FLCN: variants seen among roughly 807,000 people sequenced by gnomAD.
FLCN encodes the protein folliculin.
A neutral mutation model predicts 62.5 loss-of-function variants in FLCN; 22 were observed. That is an observed-to-expected ratio of 0.35 (90% CI 0.25 to 0.50). FLCN has a LOEUF of 0.50. FLCN is among the 20% of genes least tolerant of loss of function. The pLI is 0.97. For synonymous variants in FLCN, 319 were observed against 310.0 expected, an observed-to-expected ratio of 1.03 and a Z score of -0.30; for missense variants, 657 against 778.0, an observed-to-expected ratio of 0.84 and a Z score of 1.85.
At chr17:17,221,117 A>T in intron 8 of FLCN, 1 of 1,359,034 alleles carries the variant, frequency 7.4e-7, no homozygotes, top group Non-Finnish European at 9.5e-7. Flanking sequence ...GGGGAAGCCC[A>T]GGCACCTGGG....
Position 17,224,157 on chromosome 17 carries a change from G to A in FLCN, c.397-14C>T, listed in dbSNP as rs1736219. 738,371 of 1,566,246 alleles carry A rather than the reference G, an allele frequency of 0.47. 181,520 individuals carry two copies. The highest frequency in any genetic ancestry group is 0.65 in the East Asian group (27,675 of 42,586). On this transcript the variant is annotated splice_polypyrimidine_tract_variant and intron_variant, in intron 5 of 13. Transcript: ENST00000285071. ...GCCAGGGCAGACCTGGAGGGACACCGGCGACTCAGACAGCCCTTTCCTCGC... is the reference window on the plus strand; with the variant it reads ...GCCAGGGCAGACCTGGAGGGACACCAGCGACTCAGACAGCCCTTTCCTCGC...
At chr17:17,228,358 G>C (rs1021908682) in intron 3 of FLCN, 197 bp from the exon 4 acceptor site, 2 of 612,406 alleles carry the variant, frequency 3.3e-6, no homozygotes, top group Non-Finnish European at 5.6e-6. Context: ...CTTCCCATGG[G>C]AGTCACAGCA....
rs771653740 is a variant in FLCN, at chr17:17,216,478, C to T, written c.1202G>A (p.Arg401His). ...LRTMLPVGCV[R>H]IIPYSSQYEE... ...GTACTGGCTGCTGTATGGGATGATG[C>T]GGACGCAGCCCACGGGAAGCATGGT... The change falls in exon 11 of 14, where the codon CGC becomes CAC. Residue 401 changes from arginine (R) to histidine (H), a missense_variant. Arg to His is a conservative substitution (Grantham distance 29). Transcript: ENST00000285071. This position sits in a 1 kb window ranked among gnomAD's most constrained non-coding sequence, Gnocchi z 4.0. 99 of 1,613,652 alleles carry T rather than the reference C, an allele frequency of 6.1e-5. 1 individual carries two copies. In the South Asian group the frequency reaches 8.9e-4, roughly 14 times the overall value.
At chr17:17,218,199 G>A (rs1474106226) in intron 9 of FLCN, among the ~76,000 whole-genome samples, 1 of 152,192 alleles carries the variant, frequency 6.6e-6, no homozygotes, top group African/African-American at 2.4e-5. Flanking sequence ...CTGACTCGAT[G>A]TAACTGGAGA....
At chr17:17,230,860 T>C (rs981073113) in intron 3 of FLCN, among the ~76,000 whole-genome samples, 1 of 151,994 alleles carries the variant, frequency 6.6e-6, no homozygotes, top group African/African-American at 2.4e-5. Context: ...ACTACTACAT[T>C]CCAGCCTGGG....
chr17:17,215,218 C>T lies in FLCN; in HGVS notation c.1399G>A (p.Val467Met). Residue 467 changes from valine to methionine, a missense_variant, in exon 12 of 14, where the codon GTG becomes ATG. Coordinates refer to ENST00000285071, the MANE Select transcript of FLCN (RefSeq NM_144997.7). ...DQSLSKYEFV[V>M]TSGSPVAADR... The stretch of plus-strand genomic sequence containing the variant: ...GCAGCTACAGGGCTCCCACTGGTCA[C>T]CACAAACTCGTACTTGCTGAGAGAC... 6.2e-7 allele frequency: 1 copy of T among 1,614,212 alleles called. No homozygotes were observed.
At chr17:17,234,210 TTTG>T (rs1335672684) in intron 1 of FLCN, among the ~76,000 whole-genome samples, 2 of 104,628 alleles carry the variant, frequency 1.9e-5, no homozygotes, top group African/African-American at 6.1e-5. Flanking sequence ...TTTGTTTTTT[TTTG>T]GTTTGTTTTT....
Position 17,213,713 on chromosome 17 carries a change from T to C in FLCN, c.1682A>G (p.Tyr561Cys). The C allele has an allele frequency of 6.2e-7, 1 of 1,614,198 alleles. No homozygotes were observed. Among genetic ancestry groups the C allele is most frequent in the Non-Finnish European group, 8.5e-7 (1 of 1,180,032 alleles). ...KFWMTGLSKT[Y>C]KSHLMSTVRS... is the part of the protein sequence containing the mutation. ...GACCGTGGACATGAGGTGTGACTTGTAGGTCTTGCTCAGGCCAGTCATCCA... is the reference window on the plus strand; with the variant it reads ...GACCGTGGACATGAGGTGTGACTTGCAGGTCTTGCTCAGGCCAGTCATCCA... The change falls in exon 14 of 14, where the codon TAC becomes TGC. Residue 561 changes from tyrosine (Y) to cysteine (C), a missense_variant. Coordinates refer to ENST00000285071, the MANE Select transcript of FLCN (RefSeq NM_144997.7).
Position 17,216,095 on chromosome 17 carries a change from C to G in FLCN, c.1300+285G>C, listed in dbSNP as rs2046910784. On this transcript the variant is annotated intron_variant, in intron 11 of 13. Transcript: ENST00000285071. This position sits in a 1 kb window ranked among gnomAD's most constrained non-coding sequence, Gnocchi z 4.0. ...CTCCATCTCATAGGCACCCAATCAC[C>G]AGGACGACCAGGATCCTCCGGCCAG... Among the ~76,000 whole-genome samples the G allele has an allele frequency of 6.6e-6, 1 of 152,178 alleles. No homozygotes were observed. Among genetic ancestry groups the G allele is most frequent in the South Asian group, 2.1e-4 (1 of 4,824 alleles).
chr17:17,234,326 C>T (rs907465294), intron 1 of FLCN, among the ~76,000 whole-genome samples: 2 of 151,596 alleles, frequency 1.3e-5, no homozygotes, highest in African/African-American at 2.4e-5. Context: ...ATTCTCCTGC[C>T]TCAGCTTCCC....
intron 2 of FLCN, 59 bp downstream of exon 2, chr17:17,232,729 T>C (rs1350853773): frequency 6.6e-6 from 1 of 152,620 alleles, no homozygotes; most frequent in Non-Finnish European, 1.5e-5. Context: ...TAGCAAGACA[T>C]GCACAGGACA....
chr17:17,219,096 A>C lies in FLCN; in HGVS notation c.985T>G (p.Ser329Ala). ...GRELTQGPAESSSLSGCGSWQ... is the reference protein window; with the variant it reads ...GRELTQGPAEASSLSGCGSWQ... ...CTCCCACAGCCTGAGAGAGAGGAGG[A>C]CTCTGCCGGGCCCTGGGTCAGCTCC... Residue 329 changes from serine (S) to alanine (A), a missense_variant, in exon 9 of 14, where the codon TCC becomes GCC. By Grantham distance (99) the Ser-to-Ala change is moderately conservative. Transcript: ENST00000285071. 6.2e-7 allele frequency: 1 copy of C among 1,613,776 alleles called. No homozygotes were observed. The highest frequency in any genetic ancestry group is 1.7e-4 in the Middle Eastern group (1 of 6,058).
intron 9 of FLCN, chr17:17,217,642 G>A (rs1478938446): frequency 3.4e-6 from 1 of 294,040 alleles, no homozygotes; most frequent in Non-Finnish European, 6.6e-6. Context: ...CACAAGCCCA[G>A]GGCTGCTGCC....
At chr17:17,215,431 G>A (rs1277294850) in intron 11 of FLCN, 115 bp from the exon 12 acceptor site, 13 of 1,514,366 alleles carry the variant, frequency 8.6e-6, no homozygotes, top group Non-Finnish European at 1.1e-5. Context: ...AAGGCTGCTG[G>A]TGAAAAGACT....
At chr17:17,233,244 T>C (rs1336732609) in intron 1 of FLCN, among the ~76,000 whole-genome samples, 1 of 152,004 alleles carries the variant, frequency 6.6e-6, no homozygotes, top group Non-Finnish European at 1.5e-5. Context: ...CTTCAGCCCA[T>C]GAGTTTGAGA....
intron 13 of FLCN, among the ~76,000 whole-genome samples, chr17:17,214,745 A>T (rs1023678064): frequency 6.6e-6 from 1 of 152,154 alleles, no homozygotes; most frequent in African/African-American, 2.4e-5. Context: ...CCCAAGCCTC[A>T]GTCGCTCTCC....
In FLCN at chr17:17,222,676, G is replaced by A. The variant is rs572284084; in HGVS notation, c.619-15C>T. 11 of 1,614,172 alleles carry A rather than the reference G, an allele frequency of 6.8e-6. No individual in the cohort carries two copies. The South Asian group carries it at 1.1e-4, about 16-fold the overall frequency. On this transcript the variant is annotated splice_polypyrimidine_tract_variant and intron_variant, in intron 6 of 13. Transcript: ENST00000285071. ...GCCTCAAACACCTGAAATGCAAAGGGAAGGGATGGCCTCTTTAAGCCAAAG... is the reference window on the plus strand; with the variant it reads ...GCCTCAAACACCTGAAATGCAAAGGAAAGGGATGGCCTCTTTAAGCCAAAG...
In FLCN at chr17:17,213,502, CT is replaced by C. The variant is rs2046810721; in HGVS notation, c.*152del. ...TCTGGGAAGCACACAGGCCCCAAAC[CT>C]GACAGGGCCGAGCCCAGCCCTGATG... On this transcript the variant is annotated 3_prime_UTR_variant, in exon 14 of 14. Transcript: ENST00000285071. 6 of 1,033,808 alleles carry C rather than the reference CT, an allele frequency of 5.8e-6. No homozygotes were observed. The Admixed American group carries it at 1.0e-4, about 17-fold the overall frequency. 64.0% of individuals were successfully genotyped at this position (1,033,808 alleles called of 1,614,324 possible).
chr17:17,213,772 C>A lies in FLCN; in HGVS notation c.1623G>T (p.Ala541=), dbSNP rs185419942. 6.2e-7 allele frequency: 1 copy of A among 1,614,248 alleles called. No homozygotes were observed. Among genetic ancestry groups the A allele is most frequent in the Admixed American group, 1.7e-5 (1 of 60,026 alleles). Residue 541 remains alanine, a synonymous_variant, in exon 14 of 14, where the codon GCG becomes GCT. Coordinates refer to ENST00000285071, the MANE Select transcript of FLCN (RefSeq NM_144997.7). ...GCAGCTTGACATTGTCCTCCTCGGA[C>A]GCACCCAGGATGCTCAGCAGCTTCT... ...DTQKLLSILG[A]SEEDNVKLLK...
Sources: allele counts gnomAD v4.1 joint callset (sites outside exome capture counted in the v4.1 genomes callset), GRCh38; gene constraint gnomAD v4.1.1; non-coding constraint Gnocchi (gnomAD v3.1); transcripts MANE v1.5; gene names NCBI Gene and HGNC (gene_info 2026-07-23, HGNC 2026-07-21).